Variants in SH3PXD2B observed in about 807,000 individuals in gnomAD.
SH3PXD2B encodes SH3 and PX domain-containing protein 2B.
A neutral mutation model predicts 73.1 loss-of-function variants in SH3PXD2B; 37 were observed. The observed-to-expected ratio is 0.51, with a 90% CI of 0.39 to 0.67. SH3PXD2B has a LOEUF of 0.67. SH3PXD2B is among the 30% of genes least tolerant of loss of function. SH3PXD2B has a pLI of 0.00. For missense variants in SH3PXD2B, 1,053 were observed against 1,197.8 expected (o/e 0.88, Z 1.78); for synonymous variants, 457 against 480.5 (o/e 0.95, Z 0.64).
At chr5:172,360,359 G>T (rs1025273466) in intron 7 of SH3PXD2B, among the ~76,000 whole-genome samples, 8 of 152,288 alleles carry the variant, frequency 5.3e-5, no homozygotes, top group African/African-American at 1.9e-4. Flanking sequence ...GGAAGCCGAG[G>T]CTCAGCAACT....
At position 172,338,997 on chromosome 5, in the gene SH3PXD2B, C is replaced by G; in HGVS notation, c.2108G>C (p.Gly703Ala). ...GTCCTGGGCGCGGCCAGGCCCCTCTCCTGGGAGGAAGCTTCGGCTGAAGGC... is the reference window on the plus strand; with the variant it reads ...GTCCTGGGCGCGGCCAGGCCCCTCTGCTGGGAGGAAGCTTCGGCTGAAGGC... Reference protein sequence around the residue: ...DVAFSRSFLPGEGPGRAQDRT... With the variant: ...DVAFSRSFLPAEGPGRAQDRT... Residue 703 changes from glycine to alanine, a missense_variant, in exon 13 of 13, where the codon GGA becomes GCA. Coordinates refer to ENST00000311601, the MANE Select transcript of SH3PXD2B (RefSeq NM_001017995.3). This position sits in a 1 kb window ranked among gnomAD's most constrained non-coding sequence, Gnocchi z 5.1. 6.2e-7 allele frequency: 1 copy of G among 1,614,130 alleles called. No homozygotes were observed. The highest frequency in any genetic ancestry group is 8.5e-7 in the Non-Finnish European group (1 of 1,179,960).
chr5:172,444,135 T>C (rs576379240), intron 1 of SH3PXD2B, among the ~76,000 whole-genome samples: 2 of 152,240 alleles, frequency 1.3e-5, no homozygotes, highest in Non-Finnish European at 2.9e-5. Flanking sequence ...TCGATCTTAA[T>C]ATCCCACTCA....
chr5:172,429,827 C>T (rs1245416623), intron 1 of SH3PXD2B, among the ~76,000 whole-genome samples: 3 of 152,184 alleles, frequency 2.0e-5, no homozygotes, highest in Non-Finnish European at 4.4e-5. Flanking sequence ...ACCTAGGTCA[C>T]CTCTAATCCT....
intron 5 of SH3PXD2B, among the ~76,000 whole-genome samples, chr5:172,380,587 A>G (rs1038528799): frequency 2.0e-5 from 3 of 152,246 alleles, no homozygotes; most frequent in Non-Finnish European, 4.4e-5. Flanking sequence ...CACCAACGCC[A>G]AAGACACTAA....
chr5:172,395,672 G>A (rs1263205472), intron 3 of SH3PXD2B, among the ~76,000 whole-genome samples: 1 of 152,186 alleles, frequency 6.6e-6, no homozygotes, highest in Non-Finnish European at 1.5e-5. Flanking sequence ...CGAAGCATAT[G>A]CACTAAGGGT....
intron 1 of SH3PXD2B, among the ~76,000 whole-genome samples, chr5:172,436,408 G>A (rs755728516): frequency 2.6e-5 from 4 of 152,194 alleles, no homozygotes; most frequent in Non-Finnish European, 4.4e-5. Context: ...CTCCTTCACC[G>A]GCCACAGCCC....
chr5:172,355,420 G>T (rs1164371144), intron 8 of SH3PXD2B, among the ~76,000 whole-genome samples: 1 of 152,234 alleles, frequency 6.6e-6, no homozygotes, highest in East Asian at 1.9e-4. Flanking sequence ...CAGATGCACA[G>T]AAGTTCTGTT....
intron 3 of SH3PXD2B, among the ~76,000 whole-genome samples, chr5:172,401,021 G>A (rs11743663): frequency 0.3 from 45,874 of 152,108 alleles, 7,476 homozygotes; most frequent in East Asian, 0.66. Context: ...CTGGAATGGC[G>A]TTACATCAAT....
In SH3PXD2B at chr5:172,335,607, G is replaced by C; in HGVS notation, c.*2762C>G. On this transcript the variant is annotated 3_prime_UTR_variant, in exon 13 of 13. Transcript: ENST00000311601. ...TGTTTAGGCACTGGTCACCAGCCCG[G>C]TGCTTGGCACCATTGTCACGATGGG... is the stretch of plus-strand genomic sequence containing the variant. 8.1e-7 allele frequency: 1 copy of C among 1,231,886 alleles called. No homozygotes were observed. Among genetic ancestry groups the C allele is most frequent in the Non-Finnish European group, 1.0e-6 (1 of 988,076 alleles). 76.3% of individuals were successfully genotyped at this position (1,231,886 alleles called of 1,614,324 possible).
intron 8 of SH3PXD2B, among the ~76,000 whole-genome samples, chr5:172,356,075 G>A (rs1054896845): frequency 2.6e-5 from 4 of 152,142 alleles, no homozygotes; most frequent in Non-Finnish European, 2.9e-5. Flanking sequence ...ACCCTGGCCT[G>A]GCCAAAGTGT....
intron 6 of SH3PXD2B, among the ~76,000 whole-genome samples, chr5:172,366,948 TTTTTTG>T (rs1161051026): frequency 1.4e-4 from 17 of 125,758 alleles, no homozygotes; most frequent in African/African-American, 4.8e-4. Context: ...TTTTTTTTTT[TTTTTTG>T]GGGACAGAGT....
intron 5 of SH3PXD2B, 115 bp downstream of exon 5, chr5:172,381,915 TCACAGG>T: frequency 1.4e-6 from 1 of 696,242 alleles, no homozygotes. Context: ...AAGTGCGGTC[TCACAGG>T]GGCTCAGCCG....
Position 172,337,806 on chromosome 5 carries a change from G to A in SH3PXD2B, c.*563C>T. 1 of 1,000,170 alleles carries A rather than the reference G, an allele frequency of 1.0e-6. No homozygotes were observed. The allele number at this position is 1,000,170 out of a possible 1,614,324, so 62.0% of individuals were successfully genotyped here. A position where few individuals can be genotyped will look rare whatever the true frequency, so the allele number is the denominator to read the frequency against. On this transcript the variant is annotated 3_prime_UTR_variant, in exon 13 of 13. Transcript: ENST00000311601. ...GAACCTCAGAGGCCCACGGGCCTGA[G>A]GCTTTGGGGAAGGGGACACTTTCCC...
At chr5:172,354,257 C>T (rs988111355) in intron 8 of SH3PXD2B, among the ~76,000 whole-genome samples, 4 of 152,174 alleles carry the variant, frequency 2.6e-5, no homozygotes, top group Non-Finnish European at 5.9e-5. Flanking sequence ...ATCTGTGCTT[C>T]GAGTTCACCT....
At chr5:172,442,457 G>A (rs181336188) in intron 1 of SH3PXD2B, among the ~76,000 whole-genome samples, 1 of 152,048 alleles carries the variant, frequency 6.6e-6, no homozygotes, top group African/African-American at 2.4e-5. Context: ...ATAGTTCATT[G>A]TAAGGCTATA....
At chr5:172,432,501 A>C (rs1759271336) in intron 1 of SH3PXD2B, among the ~76,000 whole-genome samples, 1 of 152,170 alleles carries the variant, frequency 6.6e-6, no homozygotes, top group Admixed American at 6.5e-5. Flanking sequence ...TGGGTGACGC[A>C]AATTTTTCAC....
At position 172,333,545 on chromosome 5, in the gene SH3PXD2B, A is replaced by G; in HGVS notation, c.*4824T>C. 8.5e-7 allele frequency: 1 copy of G among 1,170,042 alleles called. No homozygotes were observed. The allele number at this position is 1,170,042 out of a possible 1,614,324, so 72.5% of individuals were successfully genotyped here. A position where few individuals can be genotyped will look rare whatever the true frequency, so the allele number is the denominator to read the frequency against. ...AGTCAAGCACTTTTTTTATTTAAAA[A>G]AAAAAAAAGGAAAGAAGTCAAATGG... On this transcript the variant is annotated 3_prime_UTR_variant, in exon 13 of 13. Transcript: ENST00000311601.
At chr5:172,371,982 G>A (rs1003160926) in intron 6 of SH3PXD2B, among the ~76,000 whole-genome samples, 1 of 152,294 alleles carries the variant, frequency 6.6e-6, no homozygotes, top group Admixed American at 6.5e-5. Context: ...CTAGAAAGAG[G>A]AGCTATAAAT....
chr5:172,408,023 G>T (rs1205594024), intron 2 of SH3PXD2B, among the ~76,000 whole-genome samples: 5 of 151,850 alleles, frequency 3.3e-5, no homozygotes, highest in Non-Finnish European at 4.4e-5. Flanking sequence ...TGGAGCTCCC[G>T]GCCTCTTTGG....
Sources: allele counts gnomAD v4.1 joint callset (sites outside exome capture counted in the v4.1 genomes callset), GRCh38; gene constraint gnomAD v4.1.1; non-coding constraint Gnocchi (gnomAD v3.1); transcripts MANE v1.5; gene names NCBI Gene and HGNC (gene_info 2026-07-23, HGNC 2026-07-21).